The following CCDC88A variants were observed in gnomAD, a reference collection of about 807,000 sequenced individuals.
CCDC88A encodes the protein girdin.
CCDC88A carries 54 observed loss-of-function variants against 234.3 expected under a neutral mutation model. The ratio of observed to expected loss-of-function variants is 0.23; its 90% CI spans 0.19 to 0.29. CCDC88A has a LOEUF of 0.29. Among genes scored for constraint, CCDC88A ranks in the 10% least tolerant of loss-of-function variants. The pLI is 1.00. For missense variants in CCDC88A, 1,832 were observed against 2,123.4 expected, an observed-to-expected ratio of 0.86 and a Z score of 2.70; for synonymous variants, 753 against 737.8, an observed-to-expected ratio of 1.02 and a Z score of -0.33.
chr2:55,364,143 AGAGTTTTGTTTTGCATTTAAATT>A (rs1335471627), intron 5 of CCDC88A, 110 bp from the exon 6 acceptor site: 1 of 514,202 alleles, frequency 1.9e-6, no homozygotes, highest in Non-Finnish European at 3.4e-6. Flanking sequence ...AAGTATAGTA[AGAGTTTTGTTTTGCATTTAAATT>A]GTCCAACATA....
In CCDC88A at chr2:55,301,982, C is replaced by G; in HGVS notation, c.4562G>C (p.Gly1521Ala). 1.2e-6 allele frequency: 2 copies of G among 1,614,052 alleles called. No homozygotes were observed. The highest frequency in any genetic ancestry group is 1.3e-5 in the African/African-American group (1 of 75,046). The stretch of plus-strand genomic sequence containing the variant: ...AGCTCCCAATTCTTTTCTCCTTTTA[C>G]CCGTTGAAATATCATCAGGAACCTC... ...NLEVPDDIST[G>A]KRRKELGAMA... The change falls in exon 27 of 33, where the codon GGT (glycine) becomes GCT (alanine). Residue 1521 changes from glycine (G) to alanine (A), a missense_variant. Physicochemically the swap from Gly to Ala is moderately conservative, Grantham distance 60. Coordinates refer to ENST00000436346, the MANE Select transcript of CCDC88A (RefSeq NM_001365480.1).
chr2:55,355,690 G>A lies in CCDC88A; in HGVS notation c.689C>T (p.Ser230Phe). 2 of 1,614,020 alleles carry A rather than the reference G, an allele frequency of 1.2e-6. No homozygotes were observed. The highest frequency in any genetic ancestry group is 1.7e-6 in the Non-Finnish European group (2 of 1,179,880). The part of the protein sequence containing the change: ...GLHFLPHASS[S>F]AQSPCGSPGM... Reference sequence around the variant, plus strand: ...TGGAGAACCACAGGGTGACTGTGCAGATGAAGAGGCATGGGGTAGAAAATG... The same window carrying A: ...TGGAGAACCACAGGGTGACTGTGCAAATGAAGAGGCATGGGGTAGAAAATG... Residue 230 changes from serine to phenylalanine, a missense_variant, in exon 8 of 33, where the codon TCT becomes TTT. This residue lies in a region of CCDC88A where 1,282 missense variants were observed against 1,543.6 expected (regional missense o/e 0.83). Transcript: ENST00000436346.
intron 25 of CCDC88A, among the ~76,000 whole-genome samples, chr2:55,304,698 T>G (rs10192755): frequency 6.6e-6 from 1 of 152,152 alleles, no homozygotes; most frequent in Admixed American, 6.5e-5. Context: ...CACTAAAATA[T>G]AGGAGTCATT....
rs1573986947 is a variant in CCDC88A, at chr2:55,296,692, A to G, written c.4826-169T>C. 6.1e-6 allele frequency: 4 copies of G among 650,450 alleles called. No homozygotes were observed. In the East Asian group the frequency reaches 1.1e-4, roughly 18 times the overall value. 40.3% of individuals were successfully genotyped at this position (650,450 alleles called of 1,614,324 possible). On this transcript the variant is annotated intron_variant, in intron 29 of 32. Transcript: ENST00000436346. Reference sequence around the variant, plus strand: ...ATGTCAATCTTTTATCAGTCTAACAATTGTCTGCCATAGCCTGCTTCCTTA... The same window carrying G: ...ATGTCAATCTTTTATCAGTCTAACAGTTGTCTGCCATAGCCTGCTTCCTTA...
intron 2 of CCDC88A, 196 bp downstream of exon 2, chr2:55,418,620 T>G (rs1172324634): frequency 1.7e-6 from 1 of 578,742 alleles, no homozygotes; most frequent in Non-Finnish European, 3.1e-6. Context: ...TTTCACAATT[T>G]TAACAGGTAA....
At chr2:55,363,535 T>C (rs1269752487) in intron 6 of CCDC88A, 1 of 152,962 alleles carries the variant, frequency 6.5e-6, no homozygotes, top group Non-Finnish European at 1.5e-5. Context: ...ATAATTCAAG[T>C]AATATCTTTA....
chr2:55,406,046 A>T, intron 2 of CCDC88A: 1 of 152,120 alleles, frequency 6.6e-6, no homozygotes, highest in Non-Finnish European at 1.5e-5. Flanking sequence ...TAGTCCCAGC[A>T]ACTCAGGATG....
At chr2:55,363,484 CT>C (rs1160417452) in intron 6 of CCDC88A, 4 of 152,008 alleles carry the variant, frequency 2.6e-5, no homozygotes, top group Non-Finnish European at 5.9e-5. Context: ...ATGCCCTAGA[CT>C]TAAGTTTTTA....
chr2:55,335,148 T>A lies in CCDC88A; in HGVS notation c.1673A>T (p.Gln558Leu). 6.6e-7 allele frequency: 1 copy of A among 1,518,000 alleles called. No individual in the cohort carries two copies. The highest frequency in any genetic ancestry group is 8.8e-7 in the Non-Finnish European group (1 of 1,136,912). 94.0% of individuals were successfully genotyped at this position (1,518,000 alleles called of 1,614,324 possible). ...TGTTTGATTCAGATGTTCATTTTCC[T>A]GTTCCAGTATCTTAATCTAATTTGA... Reference protein sequence around the residue: ...NSERQIKILEQENEHLNQTVS... With the variant: ...NSERQIKILELENEHLNQTVS... The change falls in exon 15 of 33, where the codon CAG (glutamine) becomes CTG (leucine). Residue 558 changes from glutamine to leucine, a missense_variant. Physicochemically the swap from Gln to Leu is moderately radical, Grantham distance 113. This residue lies in a region of CCDC88A where 1,282 missense variants were observed against 1,543.6 expected (regional missense o/e 0.83). Transcript: ENST00000436346. This position sits in a 1 kb window ranked among gnomAD's most constrained non-coding sequence, Gnocchi z 4.5.
intron 3 of CCDC88A, among the ~76,000 whole-genome samples, chr2:55,381,035 T>G (rs767362023): frequency 6.6e-6 from 1 of 152,206 alleles, no homozygotes; most frequent in Non-Finnish European, 1.5e-5. Context: ...CATAAGATTA[T>G]AAAACCATAT....
chr2:55,375,488 T>C (rs1168132538), intron 3 of CCDC88A, among the ~76,000 whole-genome samples: 1 of 27,430 alleles, frequency 3.6e-5, no homozygotes, highest in Non-Finnish European at 1.1e-4. Flanking sequence ...TATATATATA[T>C]ATATATATAT....
chr2:55,304,674 A>G (rs1358006464), intron 25 of CCDC88A, among the ~76,000 whole-genome samples: 1 of 152,200 alleles, frequency 6.6e-6, no homozygotes, highest in Non-Finnish European at 1.5e-5. Context: ...TTTGTGAATA[A>G]AAGTTAGGAT....
chr2:55,356,550 C>G (rs1004003656), intron 7 of CCDC88A: 1 of 151,844 alleles, frequency 6.6e-6, no homozygotes, highest in Non-Finnish European at 1.5e-5. Context: ...GAAATAAACC[C>G]AAAAGTGATT....
chr2:55,288,771 C>T lies in CCDC88A; in HGVS notation c.*2429G>A, dbSNP rs1364508470. The stretch of plus-strand genomic sequence containing the variant: ...GGTTAGGTGTTGATTTAGAATACAG[C>T]CAGATAATTTAAAGCATGTCAGGCC... On this transcript the variant is annotated 3_prime_UTR_variant, in exon 33 of 33. Transcript: ENST00000436346. 2 of 152,116 alleles carry T rather than the reference C, an allele frequency of 1.3e-5. No individual in the cohort carries two copies. Among genetic ancestry groups the T allele is most frequent in the African/African-American group, 2.4e-5 (1 of 41,426 alleles). The allele number at this position is 152,116 out of a possible 1,614,324, so 9.4% of individuals were successfully genotyped here.
At chr2:55,300,025 C>G (rs1263025220) in intron 28 of CCDC88A, 106 bp from the exon 29 acceptor site, 1 of 781,094 alleles carries the variant, frequency 1.3e-6, no homozygotes, top group Non-Finnish European at 2.2e-6. Flanking sequence ...ATCATGCATA[C>G]TTTCACAAGA....
Position 55,328,369 on chromosome 2 carries a change from T to C in CCDC88A, c.2922A>G (p.Glu974=), listed in dbSNP as rs1371971031. 4.4e-6 allele frequency: 7 copies of C among 1,601,106 alleles called. No homozygotes were observed. The highest frequency in any genetic ancestry group is 6.0e-6 in the Non-Finnish European group (7 of 1,173,868). The change falls in exon 17 of 33, where the codon GAA becomes GAG. Residue 974 remains glutamate (E), a synonymous_variant. Transcript: ENST00000436346. The surrounding 1 kb of genome is among the most constrained non-coding windows in gnomAD (Gnocchi z 4.3). The part of the protein sequence containing the change: ...TLKKSLEIKE[E]KIAALEARLE... ...ATCGAGCTTCTAAAGCAGCAATTTT[T>C]TCTTCTTTTATTTCAAGAGACTTCT...
intron 23 of CCDC88A, among the ~76,000 whole-genome samples, chr2:55,311,958 A>G (rs1682402449): frequency 6.6e-6 from 1 of 152,184 alleles, no homozygotes; most frequent in Non-Finnish European, 1.5e-5. Flanking sequence ...TCCAGAAAGA[A>G]CAATTAATTT....
At chr2:55,393,247 A>G (rs12713295) in intron 2 of CCDC88A, among the ~76,000 whole-genome samples, 43,105 of 119,390 alleles carry the variant, frequency 0.36, 6,943 homozygotes, top group East Asian at 0.59. Context: ...TATTGGTGCT[A>G]TTGTGTAACA....
intron 12 of CCDC88A, among the ~76,000 whole-genome samples, chr2:55,342,933 T>C (rs2104718670): frequency 6.6e-6 from 1 of 152,280 alleles, no homozygotes; most frequent in Admixed American, 6.5e-5. Flanking sequence ...GTTTTGAAAC[T>C]AGTCTAATTT....
Sources: gnomAD v4.1 joint callset for allele counts (sites outside exome capture counted in the v4.1 genomes callset) on GRCh38, gnomAD v4.1.1 for gene constraint, gnomAD v4.1.1 regional missense constraint, Gnocchi (gnomAD v3.1) non-coding constraint, MANE v1.5 for transcripts, NCBI Gene and HGNC (gene_info 2026-07-23, HGNC 2026-07-21) for gene names.